Variants in TET2 observed in about 807,000 individuals in gnomAD.
TET2 encodes methylcytosine dioxygenase TET2.
TET2 carries 299 observed loss-of-function variants against 142.9 expected under a neutral mutation model. The observed-to-expected ratio is 2.09, with a 90% CI of 1.90 to 2.30. The LOEUF (loss-of-function observed/expected upper bound fraction) is 2.30, where lower values mean the gene tolerates loss of function less well. TET2 is among the 30% of genes most tolerant of loss of function. The pLI, the probability that TET2 is intolerant of heterozygous loss-of-function variation, is 0.00. For missense variants in TET2, 2,418 were observed against 2,378.0 expected, an observed-to-expected ratio of 1.02 and a Z score of -0.35; for synonymous variants, 819 against 849.0, an observed-to-expected ratio of 0.96 and a Z score of 0.61.
At chr4:105,215,100 G>C (rs1158458078) in intron 2 of TET2, among the ~76,000 whole-genome samples, 1 of 151,998 alleles carries the variant, frequency 6.6e-6, no homozygotes. Context: ...TTATTGGGGA[G>C]AAACCCTCAC....
At chr4:105,200,629 T>G (rs1047919420) in intron 2 of TET2, among the ~76,000 whole-genome samples, 14 of 131,628 alleles carry the variant, frequency 1.1e-4, no homozygotes, top group Admixed American at 2.1e-4. Context: ...GGTCACACTG[T>G]TTTTTTTTGT....
intron 2 of TET2, among the ~76,000 whole-genome samples, chr4:105,207,834 G>C (rs557390240): frequency 6.6e-6 from 1 of 152,112 alleles, no homozygotes; most frequent in Non-Finnish European, 1.5e-5. Context: ...TGATTGATAG[G>C]TTATTTTTTA....
intron 1 of TET2, among the ~76,000 whole-genome samples, chr4:105,156,009 A>T (rs1723549086): frequency 6.6e-6 from 1 of 152,166 alleles, no homozygotes; most frequent in Non-Finnish European, 1.5e-5. Flanking sequence ...TACTGGAGAA[A>T]TGACTAGCTT....
intron 6 of TET2, among the ~76,000 whole-genome samples, chr4:105,255,352 C>A (rs1337373870): frequency 6.6e-6 from 1 of 152,124 alleles, no homozygotes; most frequent in Non-Finnish European, 1.5e-5. Flanking sequence ...ACACACTTTG[C>A]ACAATTTTTG....
At position 105,190,356 on chromosome 4, in the gene TET2, C is replaced by T; in HGVS notation, c.-192-4C>T. The T allele has an allele frequency of 1.5e-6, 1 of 665,450 alleles. No individual in the cohort carries two copies. The highest frequency in any genetic ancestry group is 2.4e-4 in the Middle Eastern group (1 of 4,154). 41.2% of individuals were successfully genotyped at this position (665,450 alleles called of 1,614,324 possible). A position where few individuals can be genotyped will look rare whatever the true frequency, so the allele number is the denominator to read the frequency against. On this transcript the variant is annotated splice_region_variant and splice_polypyrimidine_tract_variant and intron_variant, in intron 1 of 10. Coordinates refer to ENST00000380013, the MANE Select transcript of TET2 (RefSeq NM_001127208.3). ...TAAAAATGTTCAAACTCTGTCTTCT[C>T]TAGGCTGGCAAACATTCAGCAGCAC...
chr4:105,236,136 C>CCATCCCAGAGTTCACATCTCCCT lies in TET2; in HGVS notation c.2197_2219dup (p.Gln740HisfsTer19). 6.2e-7 allele frequency: 1 copy of CCATCCCAGAGTTCACATCTCCCT among 1,614,098 alleles called. No individual in the cohort carries two copies. The highest frequency in any genetic ancestry group is 8.5e-7 in the Non-Finnish European group (1 of 1,180,000). Reference sequence around the variant, plus strand: ...TCATAAACAGGCAGCACAAACACAACCATCCCAGAGTTCACATCTCCCTCA... The same window carrying CCATCCCAGAGTTCACATCTCCCT: ...TCATAAACAGGCAGCACAAACACAACCATCCCAGAGTTCACATCTCCCTCATCCCAGAGTTCACATCTCCCTCA... On this transcript the variant is annotated frameshift_variant, in exon 3 of 11. Transcript: ENST00000380013. LOFTEE classifies it high-confidence loss of function.
At position 105,275,665 on chromosome 4, in the gene TET2, G is replaced by A. The variant is rs1239632128; in HGVS notation, c.5155G>A (p.Gly1719Arg). The change falls in exon 11 of 11, where the codon GGG becomes AGG. Residue 1719 changes from glycine to arginine, a missense_variant. By Grantham distance (125) the Gly-to-Arg change is moderately radical. Coordinates refer to ENST00000380013, the MANE Select transcript of TET2 (RefSeq NM_001127208.3). ...CATTAGACCAAATGTACATCATGTA[G>A]GGAAATTGCCTCCTTATCCCACTCA... is the stretch of plus-strand genomic sequence containing the variant. ...CTIRPNVHHVGKLPPYPTHEM... is the reference protein window; with the variant it reads ...CTIRPNVHHVRKLPPYPTHEM... 6.4e-7 allele frequency: 1 copy of A among 1,551,798 alleles called. No homozygotes were observed. Among genetic ancestry groups the A allele is most frequent in the Non-Finnish European group, 8.7e-7 (1 of 1,147,036 alleles).
chr4:105,152,571 T>C (rs1443532939), intron 1 of TET2, among the ~76,000 whole-genome samples: 1 of 149,662 alleles, frequency 6.7e-6, no homozygotes, highest in African/African-American at 2.5e-5. Context: ...ATCTATTTTC[T>C]TTTCCTTTTT....
At chr4:105,263,139 C>T (rs1230767415) in intron 8 of TET2, among the ~76,000 whole-genome samples, 1 of 152,006 alleles carries the variant, frequency 6.6e-6, no homozygotes, top group African/African-American at 2.4e-5. Flanking sequence ...AGAATGTGCA[C>T]ATTTCTAAAA....
intron 9 of TET2, among the ~76,000 whole-genome samples, 159 bp downstream of exon 9, chr4:105,269,906 G>A (rs1047063017): frequency 6.6e-6 from 1 of 152,368 alleles, no homozygotes; most frequent in Non-Finnish European, 1.5e-5. Context: ...GAAGGCAAAT[G>A]AGGAGCAAAG....
At chr4:105,159,823 G>A (rs1019706063) in intron 1 of TET2, among the ~76,000 whole-genome samples, 1 of 152,200 alleles carries the variant, frequency 6.6e-6, no homozygotes, top group East Asian at 1.9e-4. Flanking sequence ...GGCCAACACG[G>A]TGAAAACCCG....
intron 1 of TET2, 114 bp from the exon 2 acceptor site, chr4:105,190,246 G>T (rs962215367): frequency 4.1e-6 from 2 of 490,126 alleles, no homozygotes; most frequent in African/African-American, 3.9e-5. Flanking sequence ...CAGCCACACT[G>T]TAATGGAAAT....
At chr4:105,174,026 T>G (rs1724634466) in intron 1 of TET2, among the ~76,000 whole-genome samples, 1 of 152,200 alleles carries the variant, frequency 6.6e-6, no homozygotes, top group Non-Finnish European at 1.5e-5. Context: ...TATCAACATA[T>G]ATATTAACAA....
intron 2 of TET2, among the ~76,000 whole-genome samples, chr4:105,200,695 G>A (rs189841490): frequency 8.6e-5 from 13 of 151,172 alleles, no homozygotes; most frequent in African/African-American, 2.4e-4. Context: ...GGAGTCTCAC[G>A]CTGTCACCAG....
intron 8 of TET2, among the ~76,000 whole-genome samples, chr4:105,262,643 A>G (rs768979054): frequency 1.6e-4 from 24 of 152,104 alleles, no homozygotes; most frequent in Non-Finnish European, 2.8e-4. Context: ...ACACTTTGGG[A>G]GGCCAAGGCA....
At chr4:105,154,040 C>T (rs1035216419) in intron 1 of TET2, among the ~76,000 whole-genome samples, 1 of 152,148 alleles carries the variant, frequency 6.6e-6, no homozygotes, top group Admixed American at 6.5e-5. Context: ...ACAAGAAAGG[C>T]CACATATGAT....
rs1368109464 is a variant in TET2, at chr4:105,243,904, T to C, written c.3803+126T>C. On this transcript the variant is annotated intron_variant, in intron 6 of 10. Transcript: ENST00000380013. ...TAAAATGGGCATCAAAATGCCTGTT[T>C]GGCAGTCATGCGATAAGAAGTTGTA... 9 of 773,498 alleles carry C rather than the reference T, an allele frequency of 1.2e-5. No individual in the cohort carries two copies. The African/African-American group carries it at 1.6e-4, about 13-fold the overall frequency. The allele number at this position is 773,498 out of a possible 1,614,324, so 47.9% of individuals were successfully genotyped here.
chr4:105,276,609 G>T lies in TET2; in HGVS notation c.*90G>T. 7 of 1,378,956 alleles carry T rather than the reference G, an allele frequency of 5.1e-6. No individual in the cohort carries two copies. The highest frequency in any genetic ancestry group is 6.8e-6 in the Non-Finnish European group (7 of 1,031,010). The allele number at this position is 1,378,956 out of a possible 1,614,324, so 85.4% of individuals were successfully genotyped here. A position where few individuals can be genotyped will look rare whatever the true frequency, so the allele number is the denominator to read the frequency against. On this transcript the variant is annotated 3_prime_UTR_variant, in exon 11 of 11. Transcript: ENST00000380013. ...TCTCATGACGTGGGCAGTGGGGAAA[G>T]GTCACAGTATTCATGACAAATGTGG... is the stretch of plus-strand genomic sequence containing the variant.
chr4:105,274,898 A>C, intron 10 of TET2, 150 bp from the exon 11 acceptor site: 1 of 1,047,324 alleles, frequency 9.5e-7, no homozygotes, highest in Non-Finnish European at 1.3e-6. Flanking sequence ...CAATGATCAG[A>C]ACCCTGACTT....
Sources: gnomAD v4.1 joint callset for allele counts (sites outside exome capture counted in the v4.1 genomes callset) on GRCh38, gnomAD v4.1.1 for gene constraint, MANE v1.5 for transcripts, NCBI Gene and HGNC (gene_info 2026-07-23, HGNC 2026-07-21) for gene names.